Variants in PTPN22 observed in about 807,000 individuals in gnomAD.
PTPN22 encodes tyrosine-protein phosphatase non-receptor type 22.
In PTPN22, 85 loss-of-function variants were observed where a neutral mutation model predicts 103.3. That is an observed-to-expected ratio of 0.82 (90% CI 0.69 to 0.99). The LOEUF (loss-of-function observed/expected upper bound fraction) is 0.99, where lower values mean the gene tolerates loss of function less well. PTPN22 is among the 50% of genes least tolerant of loss of function. The pLI is 0.00. For missense variants in PTPN22, 865 were observed against 936.9 expected (o/e 0.92, Z 1.00); for synonymous variants, 323 against 310.2 (o/e 1.04, Z -0.43).
exon 21 of PTPN22, chr1:113,814,021 G>C (rs1482816457): frequency 7.9e-5 from 12 of 152,252 alleles, no homozygotes; most frequent in Non-Finnish European, 2.9e-5. Context: ...GGGGAAGTCA[G>C]GTGGATTCTT....
At chr1:113,855,024 T>A (rs749042805) in exon 8 of PTPN22, 45 of 1,610,968 alleles carry the variant, frequency 2.8e-5, no homozygotes, top group Non-Finnish European at 3.6e-5. Flanking sequence ...ATTCTTGTAA[T>A]GAAACTGGTA....
chr1:113,859,568 T>C (rs1665391083), intron 1 of PTPN22, 108 bp from the exon 2 acceptor site: 1 of 852,582 alleles, frequency 1.2e-6, no homozygotes, highest in Admixed American at 2.4e-5. Context: ...CTCAACCCTT[T>C]TATTATCTTC....
At chr1:113,857,177 T>G (rs976630925) in intron 5 of PTPN22, among the ~76,000 whole-genome samples, 1 of 152,192 alleles carries the variant, frequency 6.6e-6, no homozygotes, top group African/African-American at 2.4e-5. Context: ...GTCTTCAAAA[T>G]CCAGTGTATA....
chr1:113,833,815 TTAAG>T (rs1237224731), intron 15 of PTPN22, among the ~76,000 whole-genome samples: 1 of 152,212 alleles, frequency 6.6e-6, no homozygotes, highest in African/African-American at 2.4e-5. Context: ...AAGGTTTATC[TTAAG>T]TAATATGCAC....
At chr1:113,825,206 C>T in intron 18 of PTPN22, 34 bp from the exon 19 acceptor site, 1 of 1,345,628 alleles carries the variant, frequency 7.4e-7, no homozygotes, top group Non-Finnish European at 1.0e-6. Context: ...AGTTTTTTTT[C>T]CTGTGAAACT....
intron 12 of PTPN22, 40 bp from the exon 13 acceptor site, chr1:113,838,447 A>C (rs746799843): frequency 3.3e-5 from 52 of 1,585,208 alleles, no homozygotes; most frequent in Non-Finnish European, 4.1e-5. Context: ...ACCATACCCC[A>C]AACAGGCCGC....
At chr1:113,825,470 G>C (rs1661965374) in intron 18 of PTPN22, among the ~76,000 whole-genome samples, 1 of 152,130 alleles carries the variant, frequency 6.6e-6, no homozygotes, top group African/African-American at 2.4e-5. Context: ...GGCCAAGGCA[G>C]GAGGATTGTT....
chr1:113,825,167 CAA>C lies in PTPN22; in HGVS notation c.2254_2255del (p.Leu752GlufsTer12). The C allele has an allele frequency of 1.3e-6, 2 of 1,492,664 alleles. No homozygotes were observed. The highest frequency in any genetic ancestry group is 1.8e-6 in the Non-Finnish European group (2 of 1,090,098). 92.5% of individuals were successfully genotyped at this position (1,492,664 alleles called of 1,614,324 possible). ...TCTTTTTCATGTTTCGCAAAATTTT[CAA>C]ACTCTACAAAAGAAAGGAAAAATGT... On this transcript the variant is annotated frameshift_variant, in exon 19 of 21. Transcript: ENST00000359785. LOFTEE classifies it high-confidence loss of function.
exon 20 of PTPN22, chr1:113,819,600 T>C (rs1185464071): frequency 6.2e-7 from 1 of 1,607,908 alleles, no homozygotes; most frequent in Non-Finnish European, 8.5e-7. Flanking sequence ...TGAGCTGGAG[T>C]TATTTGACTG....
chr1:113,860,932 G>A (rs911661535), intron 1 of PTPN22, among the ~76,000 whole-genome samples: 4 of 152,062 alleles, frequency 2.6e-5, no homozygotes, highest in Non-Finnish European at 5.9e-5. Flanking sequence ...AATTAATTTG[G>A]CAAAATGTTA....
At chr1:113,865,444 T>C (rs1305682195) in intron 1 of PTPN22, among the ~76,000 whole-genome samples, 1 of 152,130 alleles carries the variant, frequency 6.6e-6, no homozygotes, top group African/African-American at 2.4e-5. Context: ...AATATTTTCC[T>C]CTTGGGGTAG....
intron 12 of PTPN22, 32 bp from the exon 13 acceptor site, chr1:113,838,439 C>T: frequency 1.3e-6 from 2 of 1,585,182 alleles, no homozygotes; most frequent in Non-Finnish European, 1.7e-6. Flanking sequence ...ATGATGACAC[C>T]ATACCCCAAA....
intron 11 of PTPN22, among the ~76,000 whole-genome samples, chr1:113,842,897 C>T (rs571538820): frequency 4.4e-4 from 66 of 149,836 alleles, no homozygotes; most frequent in Non-Finnish European, 8.6e-4. Context: ...GTCAGGAGAT[C>T]GAGACCATCC....
chr1:113,821,016 A>G (rs192722812), intron 19 of PTPN22, among the ~76,000 whole-genome samples: 8 of 151,008 alleles, frequency 5.3e-5, no homozygotes, highest in Non-Finnish European at 3.0e-5. Context: ...AATATAAAGT[A>G]TAAGTATAAA....
chr1:113,864,446 A>T, intron 1 of PTPN22: 1 of 306,070 alleles, frequency 3.3e-6, no homozygotes, highest in Non-Finnish European at 6.4e-6. Context: ...TCTTTGAAGA[A>T]TTGACCACCA....
At position 113,848,626 on chromosome 1, in the gene PTPN22, C is replaced by A. The variant is rs72483511; in HGVS notation, c.829G>T (p.Glu277Ter). 3.7e-6 allele frequency: 6 copies of A among 1,611,262 alleles called. No homozygotes were observed. The East Asian group carries it at 1.1e-4, about 30-fold the overall frequency. The change falls in exon 11 of 21, where the codon GAA becomes TAA. Residue 277 changes from glutamate (E) to a stop codon, truncating the protein, a stop_gained and splice_region_variant. Coordinates refer to ENST00000359785, the Ensembl canonical transcript of PTPN22. LOFTEE classifies it high-confidence loss of function. ...GCATTGTAGACCAGTTCATATTGTTCCTGAAGAGCATCACAACCCAGAACA... is the reference window on the plus strand; with the variant it reads ...GCATTGTAGACCAGTTCATATTGTTACTGAAGAGCATCACAACCCAGAACA...
chr1:113,854,954 T>A (rs775456758), exon 8 of PTPN22: 2 of 1,612,228 alleles, frequency 1.2e-6, no homozygotes, highest in Non-Finnish European at 1.7e-6. Context: ...GGTAACAACG[T>A]ACATCCCAGA....
intron 9 of PTPN22, 106 bp downstream of exon 9, chr1:113,854,365 T>G: frequency 9.1e-7 from 1 of 1,098,994 alleles, no homozygotes; most frequent in East Asian, 2.5e-5. Flanking sequence ...GTACATTTTC[T>G]AGAAAAGATG....
At chr1:113,854,370 A>G in intron 9 of PTPN22, 101 bp downstream of exon 9, 7 of 1,129,132 alleles carry the variant, frequency 6.2e-6, no homozygotes, top group Non-Finnish European at 9.2e-6. Context: ...TTTTCTAGAA[A>G]AGATGAATCA....
Sources: gnomAD v4.1 joint callset for allele counts (sites outside exome capture counted in the v4.1 genomes callset) on GRCh38, gnomAD v4.1.1 for gene constraint, MANE v1.5 for transcripts, NCBI Gene and HGNC (gene_info 2026-07-23, HGNC 2026-07-21) for gene names.